Variants in BANP observed in about 807,000 individuals in gnomAD.
The protein encoded by BANP is protein BANP.
A neutral mutation model predicts 68.1 loss-of-function variants in BANP; 11 were observed. That is an observed-to-expected ratio of 0.16 (90% CI 0.10 to 0.27). The LOEUF is 0.27. BANP is among the 10% of genes least tolerant of loss of function. The pLI, the probability that BANP is intolerant of heterozygous loss-of-function variation, is 1.00. For synonymous variants in BANP, 329 were observed against 303.2 expected, an observed-to-expected ratio of 1.09 and a Z score of -0.88; for missense variants, 504 against 722.7, an observed-to-expected ratio of 0.70 and a Z score of 3.47.
chr16:87,969,694 G>A (rs1201185754), intron 1 of BANP, among the ~76,000 whole-genome samples: 1 of 150,484 alleles, frequency 6.6e-6, no homozygotes, highest in African/African-American at 2.4e-5. Context: ...CGCCATCCCC[G>A]TCTAATTTTT....
intron 1 of BANP, among the ~76,000 whole-genome samples, chr16:87,960,218 T>G (rs1274365543): frequency 1.3e-5 from 2 of 152,156 alleles, no homozygotes; most frequent in Non-Finnish European, 2.9e-5. Flanking sequence ...ACACTGGCCG[T>G]GGCAGGTGCC....
chr16:87,952,152 A>C (rs1319440628), intron 1 of BANP: 1 of 152,214 alleles, frequency 6.6e-6, no homozygotes, highest in African/African-American at 2.4e-5. Context: ...GTCCTTAAGG[A>C]AGGTGGCCGT....
chr16:88,036,712 C>A lies in BANP; in HGVS notation c.1273-1261C>A, dbSNP rs2079453693. Reference sequence around the variant, plus strand: ...TGGGCTCATCCACACAGCGACATGACCAGGTCACTAAGAAACGTGGTCAGA... The same window carrying A: ...TGGGCTCATCCACACAGCGACATGAACAGGTCACTAAGAAACGTGGTCAGA... On this transcript the variant is annotated intron_variant, in intron 10 of 13. Transcript: ENST00000682872. This position sits in a 1 kb window ranked among gnomAD's most constrained non-coding sequence, Gnocchi z 4.2. Among the ~76,000 whole-genome samples the A allele has an allele frequency of 6.6e-6, 1 of 152,080 alleles. No individual in the cohort carries two copies. Among genetic ancestry groups the A allele is most frequent in the African/African-American group, 2.4e-5 (1 of 41,380 alleles).
chr16:87,996,093 T>G (rs1306270323), intron 4 of BANP, among the ~76,000 whole-genome samples: 2 of 152,184 alleles, frequency 1.3e-5, no homozygotes, highest in Middle Eastern at 3.4e-3. Flanking sequence ...GAGAACAGAG[T>G]CATGTCTGTT....
chr16:87,977,927 C>G (rs1381845273), intron 2 of BANP, among the ~76,000 whole-genome samples: 1 of 152,190 alleles, frequency 6.6e-6, no homozygotes, highest in East Asian at 1.9e-4. Flanking sequence ...CCTTTGTCTC[C>G]TGGATTCAAG....
At chr16:88,046,795 G>A (rs1028386883) in intron 11 of BANP, among the ~76,000 whole-genome samples, 5 of 152,078 alleles carry the variant, frequency 3.3e-5, no homozygotes, top group African/African-American at 7.2e-5. Context: ...GGCCGGGCAC[G>A]GTGCTTCACG....
chr16:88,030,139 TTTAAA>T (rs1465124569), intron 8 of BANP, among the ~76,000 whole-genome samples: 1 of 152,186 alleles, frequency 6.6e-6, no homozygotes, highest in African/African-American at 2.4e-5. Context: ...TAACAACACT[TTTAAA>T]AGAAAGACAA....
intron 6 of BANP, among the ~76,000 whole-genome samples, chr16:88,016,798 TA>T (rs528444516): frequency 1.8e-3 from 275 of 152,334 alleles, no homozygotes; most frequent in African/African-American, 6.3e-3. Context: ...CGTCTGAGCG[TA>T]CGTTCCTGGC....
chr16:88,033,159 C>T lies in BANP; in HGVS notation c.1114C>T (p.Pro372Ser). The change falls in exon 9 of 14, where the codon CCG becomes TCG. Residue 372 changes from proline (P) to serine (S), a missense_variant. Around this residue, in one of 3 missense-constraint regions of BANP, gnomAD observed 223 missense variants for 246.2 expected, o/e 0.91. Transcript: ENST00000682872. ...PPASELPQPQ[P>S]QPQALHYALA... is the part of the protein sequence containing the mutation. ...TGCCAGCGAGCTCCCGCAGCCACAGCCGCAGCCGCAGGCCCTGCACTACGC... is the reference window on the plus strand; with the variant it reads ...TGCCAGCGAGCTCCCGCAGCCACAGTCGCAGCCGCAGGCCCTGCACTACGC... The T allele has an allele frequency of 6.2e-7, 1 of 1,610,830 alleles. No individual in the cohort carries two copies. The highest frequency in any genetic ancestry group is 8.5e-7 in the Non-Finnish European group (1 of 1,177,586).
chr16:88,029,910 C>T (rs915721372), intron 8 of BANP, among the ~76,000 whole-genome samples: 1 of 152,222 alleles, frequency 6.6e-6, no homozygotes. Context: ...CAGAGGGTTA[C>T]ACGGGGGCCT....
Position 87,975,102 on chromosome 16 carries a change from T to C in BANP, c.-14T>C. The C allele has an allele frequency of 6.3e-7, 1 of 1,590,258 alleles. No individual in the cohort carries two copies. Among genetic ancestry groups the C allele is most frequent in the South Asian group, 1.1e-5 (1 of 90,838 alleles). On this transcript the variant is annotated 5_prime_UTR_variant, in exon 2 of 14. Transcript: ENST00000682872. ...GAACTCTTTCGTGTTGACCGGCCAC[T>C]CTCCGTGCTCTGGATGATGTCGGAA...
intron 7 of BANP, among the ~76,000 whole-genome samples, chr16:88,023,274 G>A (rs570619069): frequency 9.7e-4 from 147 of 152,282 alleles, no homozygotes; most frequent in African/African-American, 3.3e-3. Context: ...GCAGGTGGCT[G>A]TGAGGGGCTC....
chr16:88,065,433 A>G, intron 12 of BANP, 101 bp downstream of exon 12: 1 of 642,988 alleles, frequency 1.6e-6, no homozygotes, highest in Non-Finnish European at 2.8e-6. Flanking sequence ...CTGGCCATCC[A>G]GGGTCATCTC....
intron 11 of BANP, among the ~76,000 whole-genome samples, chr16:88,058,873 C>T (rs1372594663): frequency 6.6e-6 from 1 of 152,130 alleles, no homozygotes; most frequent in Non-Finnish European, 1.5e-5. Flanking sequence ...GCATTGTTTA[C>T]GTTGACTCCC....
At chr16:88,027,708 G>A in intron 8 of BANP, 58 bp downstream of exon 8, 2 of 1,595,830 alleles carry the variant, frequency 1.3e-6, no homozygotes, top group Non-Finnish European at 1.7e-6. Context: ...CTGGCCTGGT[G>A]GCACCCTCAG....
intron 6 of BANP, chr16:88,017,069 C>G (rs2074749569): frequency 6.6e-6 from 1 of 152,258 alleles, no homozygotes; most frequent in Non-Finnish European, 1.5e-5. Flanking sequence ...ACGGCAGCCA[C>G]AGGCTTCTCG....
chr16:88,074,411 C>A (rs2091151045), intron 13 of BANP, among the ~76,000 whole-genome samples: 2 of 152,192 alleles, frequency 1.3e-5, no homozygotes, highest in East Asian at 3.9e-4. Flanking sequence ...GGCCTGTTCC[C>A]TGGAGCAGTG....
At chr16:88,074,354 C>T (rs924088487) in intron 13 of BANP, among the ~76,000 whole-genome samples, 13 of 152,114 alleles carry the variant, frequency 8.5e-5, no homozygotes, top group Non-Finnish European at 1.6e-4. Context: ...GGAGGGAAGG[C>T]AGGTAGCTGG....
chr16:87,975,246 C>G (rs1277128558), intron 2 of BANP, 61 bp downstream of exon 2: 1 of 1,519,254 alleles, frequency 6.6e-7, no homozygotes, highest in Non-Finnish European at 9.1e-7. Context: ...AAACCAAAAG[C>G]TGCTCCAGTT....
Sources: allele counts gnomAD v4.1 joint callset (sites outside exome capture counted in the v4.1 genomes callset), GRCh38; gene constraint gnomAD v4.1.1; regional missense constraint gnomAD v4.1.1; non-coding constraint Gnocchi (gnomAD v3.1); transcripts MANE v1.5; gene names NCBI Gene and HGNC (gene_info 2026-07-23, HGNC 2026-07-21).